The following HOXC6 variants were observed in gnomAD, a reference collection of about 807,000 sequenced individuals.
HOXC6 encodes the protein homeobox protein Hox-C6.
A neutral mutation model predicts 24.0 loss-of-function variants in HOXC6; 10 were observed. That is an observed-to-expected ratio of 0.42 (90% CI 0.26 to 0.71). HOXC6 has a LOEUF of 0.71. Ranked by LOEUF, HOXC6 falls within the 30% of genes least tolerant of loss-of-function variation. The pLI, the probability that HOXC6 is intolerant of heterozygous loss-of-function variation, is 0.28. For missense variants in HOXC6, 258 were observed against 303.4 expected, an observed-to-expected ratio of 0.85 and a Z score of 1.11; for synonymous variants, 123 against 128.1, an observed-to-expected ratio of 0.96 and a Z score of 0.27.
At chr12:54,026,939 C>G (rs374395964), upstream of HOXC6, among the ~76,000 whole-genome samples, 4 of 141,780 alleles carry the variant, frequency 2.8e-5, no homozygotes, top group South Asian at 2.2e-4. Context: ...CCAGCTTTCC[C>G]CCCCCCCAAC....
chr12:54,030,223 C>G lies in HOXC6; in HGVS notation c.*261C>G. On this transcript the variant is annotated 3_prime_UTR_variant, in exon 2 of 2. Coordinates refer to ENST00000243108, the MANE Select transcript of HOXC6 (RefSeq NM_004503.4). ...TTGTCTACAGGCCCTTTTCCCCGTC[C>G]AGGCCTTGGGGGCTCGGACCCTGAA... 2.7e-6 allele frequency: 1 copy of G among 363,652 alleles called. No individual in the cohort carries two copies. The highest frequency in any genetic ancestry group is 5.0e-6 in the Non-Finnish European group (1 of 199,810). The allele number at this position is 363,652 out of a possible 1,614,324, so 22.5% of individuals were successfully genotyped here. A position where few individuals can be genotyped will look rare whatever the true frequency, so the allele number is the denominator to read the frequency against.
upstream of HOXC6, among the ~76,000 whole-genome samples, chr12:54,025,531 G>C (rs897414919): frequency 1.3e-4 from 6 of 44,536 alleles, no homozygotes; most frequent in Non-Finnish European, 2.9e-4. Context: ...GGTAATTGGG[G>C]GGGGGGGAGG....
chr12:54,024,713 T>C (rs1218901273), upstream of HOXC6, among the ~76,000 whole-genome samples: 5 of 144,126 alleles, frequency 3.5e-5, no homozygotes, highest in Non-Finnish European at 7.6e-5. Context: ...AGCCTTTCCC[T>C]GGCCTAAAGG....
At chr12:54,026,972 G>A (rs920391689), upstream of HOXC6, among the ~76,000 whole-genome samples, 1 of 138,902 alleles carries the variant, frequency 7.2e-6, no homozygotes, top group Non-Finnish European at 1.6e-5. Context: ...GGTGGGGGGG[G>A]GGGGATATGA....
upstream of HOXC6, among the ~76,000 whole-genome samples, chr12:54,025,534 G>C (rs1035015914): frequency 3.7e-4 from 19 of 51,232 alleles, 1 homozygote; most frequent in Admixed American, 2.6e-3. Context: ...AATTGGGGGG[G>C]GGGGAGGTGT....
chr12:54,028,413 TG>T (rs1391925314), upstream of HOXC6: 2 of 1,243,750 alleles, frequency 1.6e-6, no homozygotes, highest in African/African-American at 3.0e-5. Flanking sequence ...TTTGTCATTT[TG>T]TCTGTCCTGG....
upstream of HOXC6, among the ~76,000 whole-genome samples, chr12:54,024,183 AC>A (rs1266865194): frequency 6.6e-6 from 1 of 152,172 alleles, no homozygotes; most frequent in Non-Finnish European, 1.5e-5. Context: ...GCCCAGTGGC[AC>A]AAAAGGGGCC....
intron 1 of HOXC6, among the ~76,000 whole-genome samples, chr12:54,018,128 T>A (rs1055206531): frequency 6.7e-6 from 1 of 148,974 alleles, no homozygotes; most frequent in African/African-American, 2.5e-5. Flanking sequence ...GGGTGGGAGG[T>A]GCCCTGCGTT....
chr12:54,027,107 C>G (rs1940752621), upstream of HOXC6, among the ~76,000 whole-genome samples: 1 of 152,272 alleles, frequency 6.6e-6, no homozygotes, highest in Non-Finnish European at 1.5e-5. Flanking sequence ...TGCACACTTT[C>G]CGCTGTTTCA....
intron 1 of HOXC6, among the ~76,000 whole-genome samples, chr12:54,019,551 T>C (rs1022800268): frequency 1.3e-5 from 2 of 152,114 alleles, no homozygotes; most frequent in African/African-American, 4.8e-5. Context: ...CCCCCGCCCC[T>C]GTGGATGGCC....
Position 54,028,929 on chromosome 12 carries a change from T to C in HOXC6, c.400+8T>C. 6.2e-7 allele frequency: 1 copy of C among 1,600,674 alleles called. No homozygotes were observed. The highest frequency in any genetic ancestry group is 1.1e-5 in the South Asian group (1 of 90,136). ...GAATGAATTCGCACAGTGGTGAGTT[T>C]TACAGCTCCGAGATATAAATTAAAT... On this transcript the variant is annotated splice_region_variant and intron_variant, in intron 1 of 1. Coordinates refer to ENST00000243108, the MANE Select transcript of HOXC6 (RefSeq NM_004503.4).
chr12:54,020,631 C>A (rs1940393663), intron 1 of HOXC6: 1 of 152,090 alleles, frequency 6.6e-6, no homozygotes, highest in African/African-American at 2.4e-5. Context: ...TGTATATTAC[C>A]ATGCCTATAT....
rs577884258 is a variant in HOXC6 at position 54,020,142 on chromosome 12, T to C, written c.-193+2728T>C. 3.9e-5 allele frequency: 6 copies of C among 152,368 alleles called. No homozygotes were observed. In the South Asian group the frequency reaches 8.3e-4, roughly 21 times the overall value. 9.4% of individuals were successfully genotyped at this position (152,368 alleles called of 1,614,324 possible). On this transcript the variant is annotated intron_variant, in intron 1 of 2. Coordinates refer to the HOXC6 transcript ENST00000394331. ...CTCTAAGCCTCCTTGCAGGCCACAT[T>C]CCCTGCTGACGTGGTCCTTCCTGCA...
In HOXC6 at chr12:54,029,531, T is replaced by C. The variant is rs921132372; in HGVS notation, c.401-124T>C. On this transcript the variant is annotated intron_variant, in intron 1 of 1. Coordinates refer to ENST00000243108, the MANE Select transcript of HOXC6 (RefSeq NM_004503.4). ...TGGGGCAAGGCAAAAGGGAGAAGGCTAGAGCCCTAAGGAGGCTGTGAGCTG... is the reference window on the plus strand; with the variant it reads ...TGGGGCAAGGCAAAAGGGAGAAGGCCAGAGCCCTAAGGAGGCTGTGAGCTG... The C allele has an allele frequency of 4.0e-6, 4 of 999,554 alleles. No individual in the cohort carries two copies. In the African/African-American group the frequency reaches 6.5e-5, roughly 16 times the overall value. 61.9% of individuals were successfully genotyped at this position (999,554 alleles called of 1,614,324 possible).
At chr12:54,028,261 A>G (rs1034170785), upstream of HOXC6, 71 of 214,022 alleles carry the variant, frequency 3.3e-4, 3 homozygotes, top group African/African-American at 1.6e-3. Flanking sequence ...ATATATATAT[A>G]TATATATTTT....
upstream of HOXC6, among the ~76,000 whole-genome samples, chr12:54,025,242 G>A (rs1283056408): frequency 6.6e-6 from 1 of 152,136 alleles, no homozygotes; most frequent in Non-Finnish European, 1.5e-5. Flanking sequence ...TGCTTCTGCT[G>A]ATGAGTTTCC....
Position 54,030,226 on chromosome 12 carries a change from G to A in HOXC6, c.*264G>A. ...TCTACAGGCCCTTTTCCCCGTCCAG[G>A]CCTTGGGGGCTCGGACCCTGAACTC... On this transcript the variant is annotated 3_prime_UTR_variant, in exon 2 of 2. Transcript: ENST00000243108. 2.9e-6 allele frequency: 1 copy of A among 347,436 alleles called. No homozygotes were observed. The allele number at this position is 347,436 out of a possible 1,614,324, so 21.5% of individuals were successfully genotyped here.
chr12:54,028,690 C>T lies in HOXC6; in HGVS notation c.169C>T (p.Pro57Ser), dbSNP rs755689517. Residue 57 changes from proline (P) to serine (S), a missense_variant, in exon 1 of 2, where the codon CCA becomes TCA. Transcript: ENST00000243108. ...GATCTACTCGACTCCCTTTTATTCGCCACAGGAGAATGTCGTGTTCAGTTC... is the reference window on the plus strand; with the variant it reads ...GATCTACTCGACTCCCTTTTATTCGTCACAGGAGAATGTCGTGTTCAGTTC... Reference protein sequence around the residue: ...NRIYSTPFYSPQENVVFSSSR... With the variant: ...NRIYSTPFYSSQENVVFSSSR... 2 of 1,614,048 alleles carry T rather than the reference C, an allele frequency of 1.2e-6. No individual in the cohort carries two copies. The highest frequency in any genetic ancestry group is 1.7e-6 in the Non-Finnish European group (2 of 1,180,046).
intron 1 of HOXC6, among the ~76,000 whole-genome samples, chr12:54,019,628 A>G (rs956544739): frequency 3.3e-5 from 5 of 152,044 alleles, no homozygotes; most frequent in Non-Finnish European, 7.4e-5. Flanking sequence ...AGAGAAGGCC[A>G]TTCAGGCCAG....
Sources: allele counts gnomAD v4.1 joint callset (sites outside exome capture counted in the v4.1 genomes callset), GRCh38; gene constraint gnomAD v4.1.1; transcripts MANE v1.5; gene names NCBI Gene and HGNC (gene_info 2026-07-23, HGNC 2026-07-21).